TNNT3: variants seen among roughly 807,000 people sequenced by gnomAD.
TNNT3 encodes troponin T3, fast skeletal type, also known as troponin T, fast skeletal muscle.
A neutral mutation model predicts 54.2 loss-of-function variants in TNNT3; 36 were observed. That is an observed-to-expected ratio of 0.66 (90% CI 0.51 to 0.88). The LOEUF (loss-of-function observed/expected upper bound fraction) is 0.88, where lower values mean the gene tolerates loss of function less well. Among genes scored for constraint, TNNT3 ranks in the 40% least tolerant of loss-of-function variants. The probability of loss-of-function intolerance (pLI) is 0.00; values close to 1 mark genes in which losing one functional copy is unlikely to be tolerated. For synonymous variants in TNNT3, 120 were observed against 109.7 expected, an observed-to-expected ratio of 1.09 and a Z score of -0.59; for missense variants, 291 against 331.6, an observed-to-expected ratio of 0.88 and a Z score of 0.95.
chr11:1,926,752 T>C, intron 6 of TNNT3, 43 bp downstream of exon 6: 1 of 1,612,212 alleles, frequency 6.2e-7, no homozygotes, highest in East Asian at 2.2e-5. Flanking sequence ...GTCTCCGTCC[T>C]CCCTTCTGTC....
In TNNT3 at chr11:1,923,117, G is replaced by A. The variant is rs866768689; in HGVS notation, c.31+56G>A. 3.7e-6 allele frequency: 6 copies of A among 1,609,116 alleles called. No individual in the cohort carries two copies. In the Middle Eastern group the frequency reaches 9.9e-4, roughly 266 times the overall value. ...CCTGCTCTAGAAGGAAGGCTCACAT[G>A]TGGGCAGGGGGCTGGACTGTGCATA... On this transcript the variant is annotated intron_variant, in intron 3 of 15. Coordinates refer to ENST00000278317, the MANE Select transcript of TNNT3 (RefSeq NM_006757.4).
chr11:1,931,720 G>A (rs1403939091), intron 8 of TNNT3, among the ~76,000 whole-genome samples: 4 of 120,354 alleles, frequency 3.3e-5, no homozygotes, highest in African/African-American at 1.2e-4. Flanking sequence ...TCCATTTTCC[G>A]TTTTTTTTTT....
chr11:1,935,655 G>A (rs1179591637), intron 14 of TNNT3: 1 of 176,076 alleles, frequency 5.7e-6, no homozygotes, highest in Non-Finnish European at 1.2e-5. Context: ...GCAGCCATGG[G>A]TGATCCACGT....
At chr11:1,920,979 G>A (rs373303696) in intron 1 of TNNT3, among the ~76,000 whole-genome samples, 15 of 152,150 alleles carry the variant, frequency 9.9e-5, no homozygotes, top group Admixed American at 6.5e-4. Flanking sequence ...CCTTTCCAGC[G>A]CACGTCGGGG....
At chr11:1,927,074 T>G (rs1589923042) in intron 6 of TNNT3, among the ~76,000 whole-genome samples, 4 of 149,900 alleles carry the variant, frequency 2.7e-5, no homozygotes, top group Admixed American at 6.6e-5. Context: ...CAGGGTGGGG[T>G]GGGAAGAGCG....
intron 6 of TNNT3, among the ~76,000 whole-genome samples, chr11:1,927,549 C>T (rs1851969349): frequency 6.6e-6 from 1 of 152,168 alleles, no homozygotes; most frequent in South Asian, 2.1e-4. Flanking sequence ...GGGGATGGGA[C>T]TCCAGCCATG....
intron 14 of TNNT3, chr11:1,935,229 G>A: frequency 2.1e-6 from 1 of 477,770 alleles, no homozygotes; most frequent in South Asian, 2.1e-5. Context: ...GTGGACTCAG[G>A]GTTCATTTTC....
rs1854077457 is a variant in TNNT3, at chr11:1,933,658, A to C, written c.172-63A>C. On this transcript the variant is annotated intron_variant, in intron 9 of 15. Coordinates refer to ENST00000278317, the MANE Select transcript of TNNT3 (RefSeq NM_006757.4). ...AGGAAGGGACCTCTTGCTGCAAGGC[A>C]GGCCAGGCAGGGCAGAGGTTGGAGA... The C allele has an allele frequency of 2.3e-6, 3 of 1,325,508 alleles. No homozygotes were observed. The African/African-American group carries it at 4.3e-5, about 19-fold the overall frequency. The allele number at this position is 1,325,508 out of a possible 1,614,324, so 82.1% of individuals were successfully genotyped here.
At chr11:1,929,675 C>A in intron 7 of TNNT3, 135 bp from the exon 8 acceptor site, 2 of 946,644 alleles carry the variant, frequency 2.1e-6, no homozygotes, top group Non-Finnish European at 1.7e-6. Flanking sequence ...GTTGGGGGTA[C>A]TCCCAGCTGA....
At chr11:1,925,379 T>C (rs1589905805) in intron 5 of TNNT3, 1 of 1,389,684 alleles carries the variant, frequency 7.2e-7, no homozygotes, top group East Asian at 2.5e-5. Context: ...AGCCACGAGG[T>C]ACCAGCCAGC....
intron 11 of TNNT3, 134 bp downstream of exon 11, chr11:1,934,142 C>T (rs1854253694): frequency 8.6e-7 from 1 of 1,167,140 alleles, no homozygotes; most frequent in Non-Finnish European, 1.3e-6. Context: ...TGGCTAAGGC[C>T]CCGGCGCCCT....
At chr11:1,927,102 C>A (rs1286181491) in intron 6 of TNNT3, among the ~76,000 whole-genome samples, 1 of 152,164 alleles carries the variant, frequency 6.6e-6, no homozygotes, top group African/African-American at 2.4e-5. Context: ...GGCCTCCACC[C>A]TGCCCCAGTT....
intron 5 of TNNT3, chr11:1,925,364 G>T: frequency 6.8e-7 from 1 of 1,464,120 alleles, no homozygotes; most frequent in South Asian, 1.2e-5. Flanking sequence ...GGGAGAGGGT[G>T]GGGAAGCCAC....
intron 5 of TNNT3, chr11:1,925,453 G>A (rs1851312960): frequency 1.1e-5 from 8 of 705,198 alleles, no homozygotes; most frequent in Admixed American, 8.7e-5. Flanking sequence ...TGACCAGAGA[G>A]AGAATGGGGT....
rs891107056 is a variant in TNNT3 at position 1,920,329 on chromosome 11, C to T, written c.-19+567C>T. ...GGGGTGGGGGCGTCTAAAGCCCACG[C>T]AGCCTTGGGGGCCAGCGTCTGGAGG... On this transcript the variant is annotated intron_variant, in intron 1 of 15. Coordinates refer to ENST00000278317, the MANE Select transcript of TNNT3 (RefSeq NM_006757.4). Among the ~76,000 whole-genome samples, 9 of 152,308 alleles carry T rather than the reference C, an allele frequency of 5.9e-5. No individual in the cohort carries two copies. The East Asian group carries it at 1.4e-3, about 23-fold the overall frequency.
intron 8 of TNNT3, among the ~76,000 whole-genome samples, chr11:1,931,284 G>GCCACATTC (rs1853271574): frequency 6.6e-6 from 1 of 152,158 alleles, no homozygotes; most frequent in Non-Finnish European, 1.5e-5. Flanking sequence ...ATTTCCGTAG[G>GCCACATTC]CCACATTCCC....
At chr11:1,934,242 G>T (rs938063038) in intron 11 of TNNT3, 90 bp from the exon 12 acceptor site, 257 of 1,258,548 alleles carry the variant, frequency 2.0e-4, no homozygotes, top group African/African-American at 4.4e-5. Context: ...CTTCCAGACA[G>T]CTCTAAGCCC....
chr11:1,935,009 A>T, intron 14 of TNNT3, 90 bp downstream of exon 14: 1 of 1,252,628 alleles, frequency 8.0e-7, no homozygotes, highest in Non-Finnish European at 1.2e-6. Context: ...CAAACTCTGG[A>T]CCTGCCCACC....
chr11:1,926,733 C>T, intron 6 of TNNT3, 24 bp downstream of exon 6: 1 of 1,613,176 alleles, frequency 6.2e-7, no homozygotes, highest in South Asian at 1.1e-5. Context: ...CCCCCGCCTC[C>T]AGGCCAGAGT....
Sources: allele counts gnomAD v4.1 joint callset (sites outside exome capture counted in the v4.1 genomes callset), GRCh38; gene constraint gnomAD v4.1.1; transcripts MANE v1.5; gene names NCBI Gene and HGNC (gene_info 2026-07-23, HGNC 2026-07-21).